Variants in PYHIN1 observed in about 807,000 individuals in gnomAD.
PYHIN1 encodes pyrin and HIN domain family member 1.
PYHIN1 carries 32 observed loss-of-function variants against 43.7 expected under a neutral mutation model. The observed-to-expected ratio is 0.73, with a 90% CI of 0.55 to 0.98. PYHIN1 has a LOEUF of 0.98. Among genes scored for constraint, PYHIN1 ranks in the 50% least tolerant of loss-of-function variants. PYHIN1 has a pLI of 0.00. For missense variants in PYHIN1, 588 were observed against 589.5 expected, an observed-to-expected ratio of 1.00 and a Z score of 0.03; for synonymous variants, 205 against 203.1, an observed-to-expected ratio of 1.01 and a Z score of -0.08.
rs145608153 is a variant in PYHIN1, at chr1:158,976,839, A to AATATATGTAT, written c.*151_*160dup. On this transcript the variant is annotated 3_prime_UTR_variant, in exon 9 of 9. Coordinates refer to ENST00000368140, the MANE Select transcript of PYHIN1 (RefSeq NM_152501.5). ...AAGATAAGATCAAAGCACAGAAAAT[A>AATATATGTAT]ATATATGTATATATATCTGGTTGAA... The AATATATGTAT allele has an allele frequency of 0.85, 272,577 of 321,644 alleles. 128,829 individuals are homozygous for AATATATGTAT. Among genetic ancestry groups the AATATATGTAT allele is most frequent in the Non-Finnish European group, 0.93 (160,332 of 172,368 alleles). 19.9% of individuals were successfully genotyped at this position (321,644 alleles called of 1,614,324 possible). A position where few individuals can be genotyped will look rare whatever the true frequency, so the allele number is the denominator to read the frequency against.
chr1:158,984,916 T>A, the PYHIN1 span, among the ~76,000 whole-genome samples: 1 of 152,096 alleles, frequency 6.6e-6, no homozygotes, highest in African/African-American at 2.4e-5. Context: ...CCCTTCTTCA[T>A]CCTCTTTGAT....
intron 7 of PYHIN1, among the ~76,000 whole-genome samples, chr1:158,952,108 GTTTTTT>G (rs35079460): frequency 8.5e-6 from 1 of 118,156 alleles, no homozygotes; most frequent in Non-Finnish European, 1.7e-5. Flanking sequence ...GCCTGTGTCG[GTTTTTT>G]TTTTTTTTTT....
intron 7 of PYHIN1, among the ~76,000 whole-genome samples, chr1:158,953,649 GA>G (rs1383202884): frequency 1.3e-5 from 2 of 152,066 alleles, no homozygotes; most frequent in East Asian, 3.9e-4. Context: ...CAAAGATGGG[GA>G]AAAAACAGAA....
intron 7 of PYHIN1, among the ~76,000 whole-genome samples, chr1:158,946,782 G>C (rs1420285994): frequency 6.6e-6 from 1 of 152,152 alleles, no homozygotes; most frequent in East Asian, 1.9e-4. Context: ...ATATTCCAGA[G>C]AACATTCACA....
downstream of PYHIN1, among the ~76,000 whole-genome samples, chr1:158,980,733 C>A (rs552605119): frequency 6.6e-6 from 1 of 152,066 alleles, no homozygotes; most frequent in Non-Finnish European, 1.5e-5. Flanking sequence ...ATACATGCAC[C>A]GCTGAACATA....
chr1:158,958,105 A>G (rs1444475268), intron 7 of PYHIN1, among the ~76,000 whole-genome samples: 1 of 151,858 alleles, frequency 6.6e-6, no homozygotes. Flanking sequence ...GTCAGGAAAC[A>G]ACAGGTGCTG....
At chr1:158,962,954 G>A (rs1422211071) in intron 7 of PYHIN1, among the ~76,000 whole-genome samples, 1 of 152,102 alleles carries the variant, frequency 6.6e-6, no homozygotes, top group Non-Finnish European at 1.5e-5. Flanking sequence ...GACCCCGAGA[G>A]TTTCACCTGC....
chr1:158,941,881 T>G (rs1269923430), intron 4 of PYHIN1, 96 bp from the exon 5 acceptor site: 1 of 1,170,856 alleles, frequency 8.5e-7, no homozygotes, highest in Non-Finnish European at 1.2e-6. Context: ...CTACAACTTT[T>G]GGGGGCCCAA....
intron 2 of PYHIN1, among the ~76,000 whole-genome samples, chr1:158,937,765 T>C (rs1648644572): frequency 6.6e-6 from 1 of 151,738 alleles, no homozygotes; most frequent in Non-Finnish European, 1.5e-5. Flanking sequence ...GCTAACAAGG[T>C]GAAACCCGTC....
chr1:158,976,645 A>G (rs1651274833), intron 8 of PYHIN1, 56 bp from the exon 9 acceptor site: 13 of 1,399,542 alleles, frequency 9.3e-6, no homozygotes, highest in Non-Finnish European at 1.3e-5. Flanking sequence ...TTGAAGAAAG[A>G]AATGTATGAC....
chr1:158,958,998 C>T (rs544014743), intron 7 of PYHIN1, among the ~76,000 whole-genome samples: 2 of 151,302 alleles, frequency 1.3e-5, no homozygotes, highest in East Asian at 3.9e-4. Context: ...GTGATGAAAC[C>T]CTGGTCTGAA....
At chr1:158,962,913 C>T (rs1650409610) in intron 7 of PYHIN1, among the ~76,000 whole-genome samples, 1 of 151,998 alleles carries the variant, frequency 6.6e-6, no homozygotes, top group Admixed American at 6.5e-5. Context: ...TGGTTCTGCC[C>T]CTGATCCCCT....
At chr1:158,939,630 T>C in intron 4 of PYHIN1, 2 of 1,113,754 alleles carry the variant, frequency 1.8e-6, no homozygotes, top group Non-Finnish European at 2.7e-6. Context: ...CCATATTTCT[T>C]TCACCTTTAA....
intron 7 of PYHIN1, chr1:158,945,262 G>T: frequency 2.4e-6 from 1 of 418,826 alleles, no homozygotes. Flanking sequence ...CTGACCACAA[G>T]AGGGCTAGTA....
intron 7 of PYHIN1, among the ~76,000 whole-genome samples, chr1:158,952,155 T>A (rs1649577253): frequency 6.7e-6 from 1 of 149,248 alleles, no homozygotes; most frequent in African/African-American, 2.5e-5. Context: ...CCGCTGCCTG[T>A]TGGGTGGACC....
At chr1:158,948,080 G>C (rs1440757956) in intron 7 of PYHIN1, among the ~76,000 whole-genome samples, 2 of 152,152 alleles carry the variant, frequency 1.3e-5, no homozygotes, top group South Asian at 4.1e-4. Context: ...TTCTGCATCA[G>C]GTTCTCTTGA....
At chr1:158,963,100 A>G (rs1650420195) in intron 7 of PYHIN1, among the ~76,000 whole-genome samples, 1 of 152,094 alleles carries the variant, frequency 6.6e-6, no homozygotes, top group Non-Finnish European at 1.5e-5. Flanking sequence ...CTCTAGCTGA[A>G]CATTCCCAGT....
intron 6 of PYHIN1, 34 bp from the exon 7 acceptor site, chr1:158,944,840 TA>T: frequency 6.8e-7 from 1 of 1,464,636 alleles, no homozygotes; most frequent in Non-Finnish European, 9.1e-7. Context: ...TCCCTAATAT[TA>T]AAAAACATTA....
chr1:158,952,795 G>A (rs183867094), intron 7 of PYHIN1, among the ~76,000 whole-genome samples: 17 of 152,334 alleles, frequency 1.1e-4, no homozygotes, highest in South Asian at 4.1e-4. Flanking sequence ...AGCTCCCAGC[G>A]TAAGCGACGC....
Sources: gnomAD v4.1 joint callset for allele counts (sites outside exome capture counted in the v4.1 genomes callset) on GRCh38, gnomAD v4.1.1 for gene constraint, MANE v1.5 for transcripts, NCBI Gene and HGNC (gene_info 2026-07-23, HGNC 2026-07-21) for gene names.